Variants in STX8 observed in about 807,000 individuals in gnomAD.
STX8 encodes the protein syntaxin 8.
STX8 carries 23 observed loss-of-function variants against 37.5 expected under a neutral mutation model. The ratio of observed to expected loss-of-function variants is 0.61; its 90% CI spans 0.44 to 0.87. The LOEUF is 0.87. Among genes scored for constraint, STX8 ranks in the 40% least tolerant of loss-of-function variants. The pLI, the probability that STX8 is intolerant of heterozygous loss-of-function variation, is 0.00. For missense variants in STX8, 313 were observed against 284.7 expected, an observed-to-expected ratio of 1.10 and a Z score of -0.71; for synonymous variants, 115 against 99.1, an observed-to-expected ratio of 1.16 and a Z score of -0.95.
At chr17:9,303,245 C>G (rs895222023) in intron 7 of STX8, among the ~76,000 whole-genome samples, 1 of 152,106 alleles carries the variant, frequency 6.6e-6, no homozygotes, top group Non-Finnish European at 1.5e-5. Context: ...GAGCTGAGAT[C>G]GTGCCACTGC....
At chr17:9,491,338 A>T (rs1177934117) in intron 6 of STX8, among the ~76,000 whole-genome samples, 1 of 151,544 alleles carries the variant, frequency 6.6e-6, no homozygotes, top group Non-Finnish European at 1.5e-5. Context: ...CGTCTTAAAC[A>T]CTCCCCAATC....
At chr17:9,338,988 G>A (rs898369754) in intron 7 of STX8, among the ~76,000 whole-genome samples, 2 of 150,448 alleles carry the variant, frequency 1.3e-5, no homozygotes, top group Non-Finnish European at 1.5e-5. Flanking sequence ...GGAGAATGGC[G>A]TGAACCCGGG....
chr17:9,488,129 AC>A, intron 6 of STX8, among the ~76,000 whole-genome samples: 1 of 152,096 alleles, frequency 6.6e-6, no homozygotes, highest in African/African-American at 2.4e-5. Context: ...GAGTTTGAAA[AC>A]AGCCTGGCCA....
chr17:9,263,033 C>T (rs1907102213), intron 7 of STX8, among the ~76,000 whole-genome samples: 1 of 152,198 alleles, frequency 6.6e-6, no homozygotes, highest in Admixed American at 6.5e-5. Context: ...CTACTTTAGT[C>T]TTGAAAGGAT....
rs1904894667 is a variant in STX8, at chr17:9,507,824, C to T, written c.324-2662G>A. The stretch of plus-strand genomic sequence containing the variant: ...TCACAAATGTCACTGGCATGGATTA[C>T]AGTTAAAGAAACTACACAAAAACTA... On this transcript the variant is annotated intron_variant, in intron 4 of 7. Coordinates refer to ENST00000306357, the MANE Select transcript of STX8 (RefSeq NM_004853.3). The surrounding 1 kb of genome is among the most constrained non-coding windows in gnomAD (Gnocchi z 4.0). 6.6e-6 allele frequency among the ~76,000 whole-genome samples: 1 copy of T among 152,176 alleles called. No homozygotes were observed. The highest frequency in any genetic ancestry group is 1.5e-5 in the Non-Finnish European group (1 of 68,032).
intron 7 of STX8, among the ~76,000 whole-genome samples, chr17:9,306,485 C>T (rs539967235): frequency 2.0e-5 from 3 of 151,590 alleles, no homozygotes; most frequent in Admixed American, 6.6e-5. Context: ...TACGGTATCT[C>T]ACACCTGTAA....
intron 7 of STX8, among the ~76,000 whole-genome samples, chr17:9,252,317 G>T (rs1331269918): frequency 1.3e-5 from 2 of 152,120 alleles, no homozygotes; most frequent in East Asian, 3.9e-4. Flanking sequence ...GGTGGCAGGC[G>T]CCTGTAGTCC....
chr17:9,430,998 A>G (rs941577615), intron 6 of STX8, among the ~76,000 whole-genome samples: 5 of 150,922 alleles, frequency 3.3e-5, no homozygotes, highest in African/African-American at 1.2e-4. Context: ...CTCATTGGGT[A>G]GCAGGGGTTT....
intron 7 of STX8, among the ~76,000 whole-genome samples, chr17:9,290,813 CA>C (rs1355440835): frequency 6.6e-6 from 1 of 152,192 alleles, no homozygotes; most frequent in Admixed American, 6.5e-5. Context: ...GGGAAAGGCA[CA>C]CATTGCCACC....
intron 4 of STX8, 119 bp downstream of exon 4, chr17:9,545,053 C>A: frequency 1.5e-6 from 1 of 654,238 alleles, no homozygotes; most frequent in Non-Finnish European, 2.7e-6. Context: ...AGTCAAACAC[C>A]ATAAATGAAT....
At chr17:9,484,285 C>T (rs1906480291) in intron 6 of STX8, among the ~76,000 whole-genome samples, 1 of 150,842 alleles carries the variant, frequency 6.6e-6, no homozygotes, top group African/African-American at 2.4e-5. Flanking sequence ...AAATGTCAAT[C>T]AGTCAGTGAC....
intron 7 of STX8, among the ~76,000 whole-genome samples, chr17:9,254,643 T>C (rs536727717): frequency 1.1e-3 from 174 of 152,140 alleles, no homozygotes; most frequent in Middle Eastern, 3.4e-3. Context: ...TGATTTGCCC[T>C]CCTGGGCCTC....
intron 6 of STX8, among the ~76,000 whole-genome samples, chr17:9,428,492 G>A (rs1193547308): frequency 1.3e-5 from 2 of 152,112 alleles, no homozygotes; most frequent in Non-Finnish European, 2.9e-5. Flanking sequence ...CACCCGCCTT[G>A]GCCTCCCAAA....
At chr17:9,294,897 T>C (rs941130883) in intron 7 of STX8, among the ~76,000 whole-genome samples, 8 of 152,168 alleles carry the variant, frequency 5.3e-5, no homozygotes, top group African/African-American at 1.7e-4. Flanking sequence ...TGAACTTGCA[T>C]ACTCTGAGCA....
intron 6 of STX8, among the ~76,000 whole-genome samples, chr17:9,472,070 CT>C (rs11364559): frequency 0.41 from 56,944 of 139,654 alleles, 11,197 homozygotes; most frequent in Non-Finnish European, 0.45. Flanking sequence ...TGGTAGATTC[CT>C]TTTTTTTTTT....
At chr17:9,333,474 G>A (rs543990030) in intron 7 of STX8, among the ~76,000 whole-genome samples, 18 of 152,064 alleles carry the variant, frequency 1.2e-4, no homozygotes, top group Middle Eastern at 3.4e-3. Context: ...TGCAAGCTCC[G>A]CCTCCCGGGT....
At chr17:9,253,207 G>GGTGTGTGTGTGTGTGTGTGTGTGTGT (rs36048368) in intron 7 of STX8, among the ~76,000 whole-genome samples, 11 of 140,940 alleles carry the variant, frequency 7.8e-5, no homozygotes, top group Admixed American at 1.4e-4. Context: ...CAGGGGTAGG[G>GGTGTGTGTGTGTGTGTGTGTGTGTGT]GTGTGTGTGT....
At chr17:9,575,657 TAAAGG>T in intron 1 of STX8, 130 bp downstream of exon 1, 1 of 1,111,652 alleles carries the variant, frequency 9.0e-7, no homozygotes, top group African/African-American at 1.5e-5. Flanking sequence ...GCCCCCTCAG[TAAAGG>T]AAAGGTCTCG....
intron 7 of STX8, among the ~76,000 whole-genome samples, chr17:9,335,709 TA>T (rs1293737414): frequency 2.0e-5 from 3 of 152,090 alleles, no homozygotes; most frequent in African/African-American, 7.2e-5. Context: ...TAAGTTTTTT[TA>T]AAAAAGATAA....
Sources: allele counts gnomAD v4.1 joint callset (sites outside exome capture counted in the v4.1 genomes callset), GRCh38; gene constraint gnomAD v4.1.1; non-coding constraint Gnocchi (gnomAD v3.1); transcripts MANE v1.5; gene names NCBI Gene and HGNC (gene_info 2026-07-23, HGNC 2026-07-21).